Variants in CNOT4 observed in about 807,000 individuals in gnomAD.
CNOT4 encodes the protein CCR4-associated factor 4.
Under a neutral mutation model 73.8 loss-of-function variants are expected in CNOT4, and 8 were observed. The ratio of observed to expected loss-of-function variants is 0.11; its 90% confidence interval spans 0.06 to 0.20. CNOT4 has a LOEUF of 0.20. CNOT4 is among the 10% of genes least tolerant of loss of function. The pLI is 1.00. For missense variants in CNOT4, 564 were observed against 883.4 expected (o/e 0.64, Z 4.58); for synonymous variants, 293 against 321.1 (o/e 0.91, Z 0.94).
chr7:135,435,326 G>A (rs1380567883), intron 2 of CNOT4, among the ~76,000 whole-genome samples: 1 of 152,174 alleles, frequency 6.6e-6, no homozygotes, highest in African/African-American at 2.4e-5. Flanking sequence ...GCTCTCAGCA[G>A]AGATTAGAAC....
intron 10 of CNOT4, chr7:135,387,679 A>C (rs1796190493): frequency 1.0e-6 from 1 of 985,092 alleles, no homozygotes; most frequent in Non-Finnish European, 1.2e-6. Context: ...TTTCTGAATC[A>C]GCTTTTGTCC....
intron 10 of CNOT4, among the ~76,000 whole-genome samples, chr7:135,366,943 G>A (rs1035636120): frequency 2.0e-5 from 3 of 152,134 alleles, no homozygotes; most frequent in African/African-American, 4.8e-5. Context: ...TCTTGGCTGC[G>A]AGGGCTTCTG....
chr7:135,497,171 G>A (rs1040851073), intron 1 of CNOT4, among the ~76,000 whole-genome samples: 6 of 152,044 alleles, frequency 3.9e-5, no homozygotes, highest in East Asian at 2.0e-4. Context: ...ACTTTGGGAA[G>A]CCGAGGCAGG....
At chr7:135,438,457 A>T in intron 1 of CNOT4, 34 bp from the exon 2 acceptor site, 1 of 676,316 alleles carries the variant, frequency 1.5e-6, no homozygotes, top group Non-Finnish European at 2.2e-6. Context: ...ATTGTTTACT[A>T]CTGGAAAAAT....
At chr7:135,441,156 T>C (rs1220831318) in intron 1 of CNOT4, among the ~76,000 whole-genome samples, 3 of 152,084 alleles carry the variant, frequency 2.0e-5, no homozygotes, top group African/African-American at 4.8e-5. Context: ...GACACCAAAA[T>C]GTTGTTATTT....
At chr7:135,459,335 G>T (rs1372222293) in intron 1 of CNOT4, among the ~76,000 whole-genome samples, 2 of 152,158 alleles carry the variant, frequency 1.3e-5, no homozygotes, top group Non-Finnish European at 2.9e-5. Context: ...CAGCAGGAAG[G>T]ATTTCTGCAG....
At chr7:135,377,489 T>C (rs1366810532) in intron 10 of CNOT4, among the ~76,000 whole-genome samples, 1 of 152,250 alleles carries the variant, frequency 6.6e-6, no homozygotes, top group Non-Finnish European at 1.5e-5. Flanking sequence ...AAGTCTATGT[T>C]TTAAAAAGAC....
In CNOT4 at chr7:135,473,780, C is replaced by T. The variant is rs1026058717; in HGVS notation, c.-92-35357G>A. 3.3e-5 allele frequency among the ~76,000 whole-genome samples: 5 copies of T among 151,972 alleles called. No homozygotes were observed. The East Asian group carries it at 9.6e-4, about 29-fold the overall frequency. On this transcript the variant is annotated intron_variant, in intron 1 of 11. Transcript: ENST00000541284. Reference sequence around the variant, plus strand: ...AAGAAAGCGAGGGAGAGTGAGAGTGCACATGTGACAAAGAGACATTTACAC... The same window carrying T: ...AAGAAAGCGAGGGAGAGTGAGAGTGTACATGTGACAAAGAGACATTTACAC...
intron 10 of CNOT4, among the ~76,000 whole-genome samples, chr7:135,382,677 T>A (rs572744576): frequency 2.6e-5 from 4 of 152,148 alleles, no homozygotes; most frequent in African/African-American, 9.6e-5. Flanking sequence ...TTTAAAAAAT[T>A]GTGTAATTTA....
At chr7:135,497,023 G>C (rs1803632583) in intron 1 of CNOT4, among the ~76,000 whole-genome samples, 2 of 151,518 alleles carry the variant, frequency 1.3e-5, no homozygotes, top group Non-Finnish European at 2.9e-5. Context: ...GCCCAAGATG[G>C]TCTTGAACTC....
chr7:135,417,526 C>T (rs1797936518), intron 3 of CNOT4, among the ~76,000 whole-genome samples: 2 of 152,142 alleles, frequency 1.3e-5, no homozygotes, highest in African/African-American at 4.8e-5. Flanking sequence ...TTGAAGGCCA[C>T]TGGTTTATGG....
intron 7 of CNOT4, among the ~76,000 whole-genome samples, chr7:135,406,317 A>C (rs1238508853): frequency 1.2e-5 from 1 of 85,740 alleles, no homozygotes; most frequent in Non-Finnish European, 2.1e-5. Context: ...CTCCCCCCCA[A>C]AAAAAGTTTC....
intron 2 of CNOT4, among the ~76,000 whole-genome samples, chr7:135,422,991 T>A (rs1293368685): frequency 6.6e-6 from 1 of 152,172 alleles, no homozygotes; most frequent in Non-Finnish European, 1.5e-5. Context: ...GCCATTACTA[T>A]CTAAGTGACT....
chr7:135,387,210 A>G, intron 10 of CNOT4: 1 of 984,612 alleles, frequency 1.0e-6, no homozygotes, highest in Non-Finnish European at 1.2e-6. Context: ...ATGTTCTTGT[A>G]ATGTCTTAAA....
At chr7:135,504,462 ATTTTT>A (rs34100799) in intron 1 of CNOT4, among the ~76,000 whole-genome samples, 3 of 55,940 alleles carry the variant, frequency 5.4e-5, no homozygotes, top group Admixed American at 2.1e-4. Flanking sequence ...CATCCGGCTA[ATTTTT>A]TTTTTTTTTT....
intron 1 of CNOT4, chr7:135,444,802 G>C (rs781121721): frequency 3.1e-6 from 5 of 1,602,422 alleles, no homozygotes; most frequent in Non-Finnish European, 4.3e-6. Context: ...TATGTTCATG[G>C]GGATGCCTCG....
intron 1 of CNOT4, among the ~76,000 whole-genome samples, chr7:135,467,490 A>G (rs1407513563): frequency 2.0e-5 from 3 of 151,912 alleles, no homozygotes; most frequent in Non-Finnish European, 4.4e-5. Context: ...ATGAAAAAAT[A>G]GCTTGAGGTC....
At chr7:135,490,152 C>G (rs1803012772) in intron 1 of CNOT4, among the ~76,000 whole-genome samples, 1 of 152,188 alleles carries the variant, frequency 6.6e-6, no homozygotes, top group Non-Finnish European at 1.5e-5. Context: ...CATACGATTT[C>G]TTCGTTACAT....
chr7:135,419,942 C>A (rs12707230), intron 3 of CNOT4, among the ~76,000 whole-genome samples: 33,132 of 151,572 alleles, frequency 0.22, 4,185 homozygotes, highest in East Asian at 0.52. Context: ...AATCCCAGTT[C>A]CTCAGGTGGT....
Sources: gnomAD v4.1 joint callset for allele counts (sites outside exome capture counted in the v4.1 genomes callset) on GRCh38, gnomAD v4.1.1 for gene constraint, MANE v1.5 for transcripts, NCBI Gene and HGNC (gene_info 2026-07-23, HGNC 2026-07-21) for gene names.